UNC13C: variants seen among roughly 807,000 people sequenced by gnomAD.
UNC13C encodes protein unc-13 homolog C.
UNC13C carries 174 observed loss-of-function variants against 245.4 expected under a neutral mutation model. The ratio of observed to expected loss-of-function variants is 0.71; its 90% CI spans 0.63 to 0.80. The LOEUF (loss-of-function observed/expected upper bound fraction) is 0.80. Among genes scored for constraint, UNC13C ranks in the 30% least tolerant of loss-of-function variants. The pLI is 0.00. For missense variants in UNC13C, 2,829 were observed against 2,602.9 expected, an observed-to-expected ratio of 1.09 and a Z score of -1.89; for synonymous variants, 992 against 895.1, an observed-to-expected ratio of 1.11 and a Z score of -1.93.
intron 30 of UNC13C, among the ~76,000 whole-genome samples, chr15:54,602,293 TG>T (rs1229748850): frequency 6.6e-6 from 1 of 152,146 alleles, no homozygotes; most frequent in African/African-American, 2.4e-5. Context: ...CTAACACAAT[TG>T]TTTCTAATTC....
In UNC13C at chr15:54,534,321, C is replaced by T. The variant is rs139975013; in HGVS notation, c.5696+1255C>T. On this transcript the variant is annotated intron_variant, in intron 26 of 32. Coordinates refer to ENST00000260323, the MANE Select transcript of UNC13C (RefSeq NM_001080534.3). The stretch of plus-strand genomic sequence containing the variant: ...GGAATGCCAAGTTAAGCCTTGGCCC[C>T]CTGAAATCTTCCAGAAATGAAGCCA... Among the ~76,000 whole-genome samples, 168 of 152,244 alleles carry T rather than the reference C, an allele frequency of 1.1e-3. 2 individuals carry two copies. The highest frequency in any genetic ancestry group is 3.9e-3 in the African/African-American group (164 of 41,548).
chr15:54,168,538 C>A (rs531214579), intron 4 of UNC13C, among the ~76,000 whole-genome samples: 5 of 152,196 alleles, frequency 3.3e-5, no homozygotes, highest in Middle Eastern at 3.4e-3. Flanking sequence ...TGCTACTAAG[C>A]AAAAGTGAAT....
intron 4 of UNC13C, among the ~76,000 whole-genome samples, chr15:54,220,434 T>TG (rs1225457110): frequency 1.1e-5 from 1 of 89,922 alleles, no homozygotes; most frequent in Non-Finnish European, 2.1e-5. Context: ...CATCACACTC[T>TG]GGGGACTGTT....
At chr15:54,231,580 A>C (rs936700028) in intron 4 of UNC13C, among the ~76,000 whole-genome samples, 1 of 152,088 alleles carries the variant, frequency 6.6e-6, no homozygotes, top group Non-Finnish European at 1.5e-5. Context: ...ATGAGTTAAC[A>C]TAAGTAAAGT....
At chr15:54,320,294 T>C (rs1191953066) in intron 13 of UNC13C, among the ~76,000 whole-genome samples, 1 of 151,958 alleles carries the variant, frequency 6.6e-6, no homozygotes, top group Admixed American at 6.6e-5. Flanking sequence ...CGCAGTTGCT[T>C]TCCGATGGTG....
chr15:54,361,154 TTTCTA>T (rs1331669338), intron 17 of UNC13C, among the ~76,000 whole-genome samples: 3 of 152,128 alleles, frequency 2.0e-5, no homozygotes, highest in African/African-American at 7.2e-5. Context: ...TCTTTACTCT[TTTCTA>T]TTCTTTTTTC....
chr15:54,362,754 G>C (rs2039264311), intron 17 of UNC13C, among the ~76,000 whole-genome samples: 2 of 152,078 alleles, frequency 1.3e-5, no homozygotes, highest in Non-Finnish European at 2.9e-5. Flanking sequence ...CTCATCTACT[G>C]CATGACTCAG....
intron 7 of UNC13C, among the ~76,000 whole-genome samples, chr15:54,239,622 T>TC (rs386784122): frequency 6.6e-6 from 1 of 151,576 alleles, no homozygotes; most frequent in East Asian, 1.9e-4. Flanking sequence ...AGCTAATATT[T>TC]CCTTTTTTTT....
chr15:54,139,040 A>T (rs1449572806), intron 2 of UNC13C, among the ~76,000 whole-genome samples: 3 of 127,090 alleles, frequency 2.4e-5, no homozygotes, highest in Admixed American at 1.0e-4. Flanking sequence ...ACTCACTGCA[A>T]CCTCCGCCTC....
the UNC13C span, among the ~76,000 whole-genome samples, chr15:53,922,525 A>G: frequency 1.3e-5 from 2 of 152,188 alleles, no homozygotes; most frequent in African/African-American, 4.8e-5. Flanking sequence ...GGTCTTTCGT[A>G]CTTACCTCCA....
At chr15:54,317,730 A>G (rs2038045276) in intron 13 of UNC13C, among the ~76,000 whole-genome samples, 1 of 151,952 alleles carries the variant, frequency 6.6e-6, no homozygotes, top group East Asian at 1.9e-4. Flanking sequence ...CATAGTTATC[A>G]TTTTTGTGGG....
intron 13 of UNC13C, chr15:54,321,331 C>A: frequency 2.1e-6 from 1 of 471,224 alleles, no homozygotes; most frequent in South Asian, 1.6e-5. Flanking sequence ...TGATGTCCTT[C>A]AATGTCTTCT....
intron 4 of UNC13C, among the ~76,000 whole-genome samples, chr15:54,203,521 T>C (rs28854933): frequency 0.012 from 1,634 of 139,864 alleles, 40 homozygotes; most frequent in African/African-American, 0.043. Flanking sequence ...CACACACACA[T>C]ATATATGTAT....
chr15:54,291,937 A>G (rs1408453127), intron 10 of UNC13C, among the ~76,000 whole-genome samples: 1 of 152,056 alleles, frequency 6.6e-6, no homozygotes, highest in African/African-American at 2.4e-5. Context: ...GCTTGGATAC[A>G]ACTACCCTAG....
At chr15:54,039,980 C>T in intron 2 of UNC13C, among the ~76,000 whole-genome samples, 1 of 152,042 alleles carries the variant, frequency 6.6e-6, no homozygotes, top group East Asian at 1.9e-4. Context: ...CAAAACTCTG[C>T]AATGTGCCTC....
intron 2 of UNC13C, among the ~76,000 whole-genome samples, chr15:54,082,022 T>G (rs1255217071): frequency 6.6e-6 from 1 of 152,206 alleles, no homozygotes; most frequent in Non-Finnish European, 1.5e-5. Context: ...GGGAAAAGTT[T>G]TATTTCTTTT....
chr15:53,989,291 AG>A (rs1894279365), intron 1 of UNC13C, among the ~76,000 whole-genome samples: 1 of 151,888 alleles, frequency 6.6e-6, no homozygotes, highest in Non-Finnish European at 1.5e-5. Flanking sequence ...AGTCCTGGAA[AG>A]CTGTCAACAA....
At chr15:53,884,290 T>G in the UNC13C span, among the ~76,000 whole-genome samples, 1 of 152,090 alleles carries the variant, frequency 6.6e-6, no homozygotes, top group Non-Finnish European at 1.5e-5. Context: ...TCAGGCAATT[T>G]TCTCAGTAAT....
chr15:54,210,740 T>C (rs1365150565), intron 4 of UNC13C, among the ~76,000 whole-genome samples: 1 of 152,122 alleles, frequency 6.6e-6, no homozygotes, highest in African/African-American at 2.4e-5. Context: ...ATAATCCTGA[T>C]ACAAAGGTCA....
Sources: allele counts gnomAD v4.1 joint callset (sites outside exome capture counted in the v4.1 genomes callset), GRCh38; gene constraint gnomAD v4.1.1; transcripts MANE v1.5; gene names NCBI Gene and HGNC (gene_info 2026-07-23, HGNC 2026-07-21).